Variants in LMO7 observed in about 807,000 individuals in gnomAD.
LMO7 encodes the protein LIM domain 7, also known as LIM domain only protein 7.
LMO7 carries 120 observed loss-of-function variants against 206.5 expected under a neutral mutation model. The observed-to-expected ratio is 0.58, with a 90% confidence interval of 0.50 to 0.68. The LOEUF is 0.68. LMO7 is among the 30% of genes least tolerant of loss of function. The pLI is 0.00. For synonymous variants in LMO7, 706 were observed against 681.5 expected (o/e 1.04, Z -0.56); for missense variants, 1,959 against 1,957.9 (o/e 1.00, Z -0.01).
chr13:75,679,270 C>A (rs2139474439), intron 1 of LMO7, among the ~76,000 whole-genome samples: 1 of 152,332 alleles, frequency 6.6e-6, no homozygotes, highest in South Asian at 2.1e-4. Flanking sequence ...CAGTGCTTTG[C>A]AAGGTTGCAC....
intron 4 of LMO7, among the ~76,000 whole-genome samples, chr13:75,788,208 T>C (rs1163249854): frequency 1.3e-5 from 2 of 152,116 alleles, no homozygotes; most frequent in African/African-American, 4.8e-5. Flanking sequence ...TTCTCCTGTT[T>C]GCAGATAGAC....
intron 1 of LMO7, among the ~76,000 whole-genome samples, chr13:75,696,028 T>A (rs187633609): frequency 6.6e-6 from 1 of 152,160 alleles, no homozygotes; most frequent in African/African-American, 2.4e-5. Flanking sequence ...GAACAGAAAC[T>A]GATTTCATGC....
At chr13:75,652,688 G>C (rs2037701755) in intron 1 of LMO7, among the ~76,000 whole-genome samples, 1 of 151,086 alleles carries the variant, frequency 6.6e-6, no homozygotes, top group African/African-American at 2.4e-5. Context: ...TCATAGAAGA[G>C]TAGAAAGCCA....
At chr13:75,848,028 TCTC>T (rs540075585) in intron 26 of LMO7, among the ~76,000 whole-genome samples, 104 of 152,330 alleles carry the variant, frequency 6.8e-4, no homozygotes, top group Non-Finnish European at 1.4e-3. Flanking sequence ...CAACTCCATC[TCTC>T]CTCTGTCATT....
At chr13:75,650,581 A>G (rs1414747418) in intron 1 of LMO7, among the ~76,000 whole-genome samples, 1 of 152,180 alleles carries the variant, frequency 6.6e-6, no homozygotes, top group Non-Finnish European at 1.5e-5. Flanking sequence ...AAGGAAAAAA[A>G]TTTCCTGTGT....
At chr13:75,824,389 T>C (rs1304759833) in intron 15 of LMO7, among the ~76,000 whole-genome samples, 1 of 152,216 alleles carries the variant, frequency 6.6e-6, no homozygotes, top group African/African-American at 2.4e-5. Context: ...AGAACGTCTA[T>C]AATTTTCGAT....
At chr13:75,670,461 A>G (rs772595735) in intron 1 of LMO7, among the ~76,000 whole-genome samples, 1 of 152,230 alleles carries the variant, frequency 6.6e-6, no homozygotes, top group African/African-American at 2.4e-5. Context: ...TATCAAACAC[A>G]TAGGCTATAT....
At chr13:75,720,666 C>T (rs922315846) in intron 2 of LMO7, among the ~76,000 whole-genome samples, 3 of 152,172 alleles carry the variant, frequency 2.0e-5, no homozygotes, top group Admixed American at 1.3e-4. Context: ...AGACTTACTT[C>T]AGGATGCTTC....
chr13:75,858,084 A>C lies in LMO7; in HGVS notation c.*141A>C. The C allele has an allele frequency of 2.3e-6, 2 of 851,282 alleles. No individual in the cohort carries two copies. The highest frequency in any genetic ancestry group is 3.6e-6 in the Non-Finnish European group (2 of 552,416). The allele number at this position is 851,282 out of a possible 1,614,324, so 52.7% of individuals were successfully genotyped here. ...AACTTTTTTTGCCTCTTTAGATTAC[A>C]TAGAAGCATTGTAGTCTTGGTAGAA... On this transcript the variant is annotated 3_prime_UTR_variant, in exon 31 of 31. Transcript: ENST00000377534.
chr13:75,744,900 G>A (rs541884503), intron 3 of LMO7, among the ~76,000 whole-genome samples: 48 of 152,320 alleles, frequency 3.2e-4, no homozygotes, highest in African/African-American at 1.0e-3. Flanking sequence ...AGATCCATGT[G>A]TCAGTTCCCG....
In LMO7 at chr13:75,650,731, T is replaced by G. The variant is rs9600513; in HGVS notation, c.69+14005T>G. 1.0e-2 allele frequency among the ~76,000 whole-genome samples: 1,519 copies of G among 152,352 alleles called. 33 individuals are homozygous for G. The highest frequency in any genetic ancestry group is 0.034 in the African/African-American group (1,408 of 41,580). ...TCTTCTTTTCAAATAAATTGATTTT[T>G]TTGTCTCTATACAGTAATGTTTATG... On this transcript the variant is annotated intron_variant, in intron 1 of 30. Coordinates refer to ENST00000377534, the MANE Select transcript of LMO7 (RefSeq NM_001306080.2).
intron 27 of LMO7, among the ~76,000 whole-genome samples, chr13:75,850,593 A>G (rs1390165470): frequency 6.6e-6 from 1 of 152,204 alleles, no homozygotes; most frequent in Non-Finnish European, 1.5e-5. Context: ...AAGTGTTGCT[A>G]CATAATATGC....
At chr13:75,708,639 C>T (rs574182934) in intron 1 of LMO7, among the ~76,000 whole-genome samples, 7 of 152,230 alleles carry the variant, frequency 4.6e-5, no homozygotes, top group African/African-American at 1.4e-4. Context: ...TCTGCACTCC[C>T]CTTGAGTTTG....
intron 4 of LMO7, among the ~76,000 whole-genome samples, chr13:75,792,134 A>G (rs977501314): frequency 6.6e-6 from 1 of 152,172 alleles, no homozygotes; most frequent in African/African-American, 2.4e-5. Context: ...GTGCCTAGCT[A>G]ATTTTTACAT....
At chr13:75,704,053 T>A (rs940374556) in intron 1 of LMO7, among the ~76,000 whole-genome samples, 13 of 152,144 alleles carry the variant, frequency 8.5e-5, no homozygotes, top group African/African-American at 3.1e-4. Context: ...GGAGATCATA[T>A]AATGGTTGTT....
In LMO7 at chr13:75,821,367, A is replaced by G. The variant is rs1164601591; in HGVS notation, c.2398A>G (p.Lys800Glu). 1 of 1,614,186 alleles carries G rather than the reference A, an allele frequency of 6.2e-7. No homozygotes were observed. Reference protein sequence around the residue: ...IPKEDSTTFAKREDRVTTEIQ... With the variant: ...IPKEDSTTFAEREDRVTTEIQ... ...CAAAGAAGATTCTACCACTTTTGCA[A>G]AAAGAGAGGACCGTGTAACAACTGA... The change falls in exon 14 of 31, where the codon AAA (lysine) becomes GAA (glutamate). Residue 800 changes from lysine (K) to glutamate (E), a missense_variant. Transcript: ENST00000377534.
At chr13:75,634,883 G>A (rs2035549286), upstream of LMO7, among the ~76,000 whole-genome samples, 2 of 152,078 alleles carry the variant, frequency 1.3e-5, no homozygotes, top group Admixed American at 6.5e-5. Flanking sequence ...GTGGGCGCCT[G>A]TAATCCCAGC....
At chr13:75,786,800 A>T (rs1204634109) in intron 4 of LMO7, among the ~76,000 whole-genome samples, 1 of 152,122 alleles carries the variant, frequency 6.6e-6, no homozygotes, top group Admixed American at 6.5e-5. Context: ...TGATCATCTT[A>T]TTCGAATGTC....
At chr13:75,732,730 T>C (rs2045377204) in intron 3 of LMO7, among the ~76,000 whole-genome samples, 1 of 151,908 alleles carries the variant, frequency 6.6e-6, no homozygotes, top group Admixed American at 6.6e-5. Context: ...GTTTTTCTGC[T>C]GTTTTTTCCC....
Sources: allele counts gnomAD v4.1 joint callset (sites outside exome capture counted in the v4.1 genomes callset), GRCh38; gene constraint gnomAD v4.1.1; transcripts MANE v1.5; gene names NCBI Gene and HGNC (gene_info 2026-07-23, HGNC 2026-07-21).